Variants in GLIS3 observed in about 807,000 individuals in gnomAD.
GLIS3 encodes the protein zinc finger protein GLIS3.
GLIS3 carries 53 observed loss-of-function variants against 78.6 expected under a neutral mutation model. The ratio of observed to expected loss-of-function variants is 0.67; its 90% confidence interval spans 0.54 to 0.85. The LOEUF (loss-of-function observed/expected upper bound fraction) is 0.85, where lower values mean the gene tolerates loss of function less well. Ranked by LOEUF, GLIS3 falls within the 40% of genes least tolerant of loss-of-function variation. The pLI, the probability that GLIS3 is intolerant of heterozygous loss-of-function variation, is 0.00. For synonymous variants in GLIS3, 684 were observed against 509.9 expected (o/e 1.34, Z -4.60); for missense variants, 1,703 against 1,231.1 (o/e 1.38, Z -5.74).
intron 8 of GLIS3, among the ~76,000 whole-genome samples, chr9:3,876,712 A>G (rs1366925930): frequency 2.3e-4 from 26 of 113,310 alleles, no homozygotes; most frequent in East Asian, 9.4e-4. Flanking sequence ...GGGGAAGGAA[A>G]GAAAGGCAAA....
intron 2 of GLIS3, among the ~76,000 whole-genome samples, chr9:4,275,917 T>C (rs901092559): frequency 6.6e-6 from 1 of 152,128 alleles, no homozygotes; most frequent in Non-Finnish European, 1.5e-5. Context: ...CATGAGATAA[T>C]CAATATGAAA....
chr9:3,861,623 A>T (rs1173332597), intron 8 of GLIS3, among the ~76,000 whole-genome samples: 1 of 152,208 alleles, frequency 6.6e-6, no homozygotes, highest in Admixed American at 6.5e-5. Context: ...GAATGAGATC[A>T]TGTAATTTGC....
chr9:4,435,678 G>A, the GLIS3 span, among the ~76,000 whole-genome samples: 13 of 152,338 alleles, frequency 8.5e-5, no homozygotes, highest in Middle Eastern at 3.4e-3. Context: ...GGCCAGGCGC[G>A]GTGGCTCACG....
At chr9:4,043,365 T>A (rs967503128) in intron 4 of GLIS3, among the ~76,000 whole-genome samples, 1 of 152,150 alleles carries the variant, frequency 6.6e-6, no homozygotes, top group Non-Finnish European at 1.5e-5. Flanking sequence ...GAGTTTTTTA[T>A]GTATTTTCTA....
intron 4 of GLIS3, among the ~76,000 whole-genome samples, chr9:4,103,987 T>C (rs143909867): frequency 5.1e-4 from 78 of 152,232 alleles, no homozygotes; most frequent in Non-Finnish European, 8.7e-4. Context: ...ATTCACTCCT[T>C]CTTCTACTCT....
the GLIS3 span, among the ~76,000 whole-genome samples, chr9:4,478,371 G>T: frequency 7.2e-5 from 11 of 152,152 alleles, no homozygotes; most frequent in African/African-American, 2.7e-4. Context: ...CAGCAATTTG[G>T]GAGGCCAAGG....
At chr9:4,412,185 G>A in the GLIS3 span, among the ~76,000 whole-genome samples, 1 of 152,204 alleles carries the variant, frequency 6.6e-6, no homozygotes, top group Non-Finnish European at 1.5e-5. Flanking sequence ...ATACCTTCAG[G>A]CCTAGCAAGG....
At chr9:4,368,816 C>G in the GLIS3 span, among the ~76,000 whole-genome samples, 1 of 152,204 alleles carries the variant, frequency 6.6e-6, no homozygotes, top group East Asian at 1.9e-4. Context: ...CTTAAATTCT[C>G]TCGTTCTAAT....
At chr9:3,889,632 T>G (rs1469602347) in intron 7 of GLIS3, among the ~76,000 whole-genome samples, 1 of 152,248 alleles carries the variant, frequency 6.6e-6, no homozygotes, top group Admixed American at 6.5e-5. Flanking sequence ...CTCAGTCATT[T>G]TGATGAATGT....
At chr9:4,036,443 T>C (rs1032103197) in intron 4 of GLIS3, among the ~76,000 whole-genome samples, 5 of 152,152 alleles carry the variant, frequency 3.3e-5, no homozygotes, top group African/African-American at 1.2e-4. Flanking sequence ...TGAAAAATGA[T>C]TGACAACTTG....
rs766494322 is a variant in GLIS3 at position 3,825,066 on chromosome 9, A to G, written c.*3206T>C. 1.3e-5 allele frequency: 2 copies of G among 152,206 alleles called. No homozygotes were observed. Among genetic ancestry groups the G allele is most frequent in the African/African-American group, 2.4e-5 (1 of 41,462 alleles). The allele number at this position is 152,206 out of a possible 1,614,324, so 9.4% of individuals were successfully genotyped here. A position where few individuals can be genotyped will look rare whatever the true frequency, so the allele number is the denominator to read the frequency against. On this transcript the variant is annotated 3_prime_UTR_variant, in exon 11 of 11. Coordinates refer to ENST00000381971, the MANE Select transcript of GLIS3 (RefSeq NM_001042413.2). ...TGAAAATGTACAGTTACTATTCCCAATACTTCAAGGCAACTGGAAAGTCAA... is the reference window on the plus strand; with the variant it reads ...TGAAAATGTACAGTTACTATTCCCAGTACTTCAAGGCAACTGGAAAGTCAA...
intron 4 of GLIS3, among the ~76,000 whole-genome samples, chr9:4,063,444 A>G (rs1826823476): frequency 6.6e-6 from 1 of 152,140 alleles, no homozygotes; most frequent in Admixed American, 6.5e-5. Flanking sequence ...ATTATTAAAC[A>G]TCTGAAAAAT....
chr9:3,962,707 G>A (rs575266208), intron 4 of GLIS3, among the ~76,000 whole-genome samples: 1 of 152,212 alleles, frequency 6.6e-6, no homozygotes, highest in African/African-American at 2.4e-5. Context: ...AGAGAAAGGG[G>A]GGAATGTGAA....
intron 2 of GLIS3, among the ~76,000 whole-genome samples, chr9:4,219,740 G>C (rs986485533): frequency 8.5e-5 from 13 of 152,176 alleles, no homozygotes; most frequent in African/African-American, 3.1e-4. Flanking sequence ...AACTGAGCTG[G>C]GAGGAAGTGG....
chr9:3,984,356 G>C (rs960249598), intron 4 of GLIS3, among the ~76,000 whole-genome samples: 1 of 152,254 alleles, frequency 6.6e-6, no homozygotes, highest in African/African-American at 2.4e-5. Context: ...CACACCTCTT[G>C]CATCAGCATG....
At chr9:4,258,143 C>G (rs1825158753) in intron 2 of GLIS3, among the ~76,000 whole-genome samples, 1 of 151,894 alleles carries the variant, frequency 6.6e-6, no homozygotes, top group South Asian at 2.1e-4. Context: ...CAGTACTTTC[C>G]TAATTCTACA....
chr9:4,262,651 A>C (rs1045343886), intron 2 of GLIS3, among the ~76,000 whole-genome samples: 3 of 152,150 alleles, frequency 2.0e-5, no homozygotes, highest in Non-Finnish European at 4.4e-5. Flanking sequence ...TTTTTATTTC[A>C]TTCTTATATA....
intron 6 of GLIS3, among the ~76,000 whole-genome samples, chr9:3,927,560 GGACCATTACCCCA>G (rs1424992609): frequency 1.3e-5 from 2 of 152,166 alleles, no homozygotes; most frequent in African/African-American, 4.8e-5. Context: ...ATAAGATCCT[GGACCATTACCCCA>G]GAGATGGTGG....
intron 4 of GLIS3, among the ~76,000 whole-genome samples, chr9:4,074,044 A>C (rs1235120847): frequency 5.3e-5 from 8 of 152,164 alleles, no homozygotes; most frequent in Non-Finnish European, 1.5e-5. Context: ...CATGCACTCC[A>C]AGCATTTCCT....
Sources: gnomAD v4.1 joint callset for allele counts (sites outside exome capture counted in the v4.1 genomes callset) on GRCh38, gnomAD v4.1.1 for gene constraint, MANE v1.5 for transcripts, NCBI Gene and HGNC (gene_info 2026-07-23, HGNC 2026-07-21) for gene names.